The following RBFOX1 variants were observed in gnomAD, a reference collection of about 807,000 sequenced individuals.
The protein encoded by RBFOX1 is RNA binding protein fox-1 homolog 1.
Under a neutral mutation model 57.7 loss-of-function variants are expected in RBFOX1, and 8 were observed. That is an observed-to-expected ratio of 0.14 (90% CI 0.08 to 0.25). RBFOX1 has a LOEUF of 0.25. Among genes scored for constraint, RBFOX1 ranks in the 10% least tolerant of loss-of-function variants. The pLI, the probability that RBFOX1 is intolerant of heterozygous loss-of-function variation, is 1.00. For missense variants in RBFOX1, 611 were observed against 548.5 expected (o/e 1.11, Z -1.14); for synonymous variants, 326 against 222.4 (o/e 1.47, Z -4.15).
At chr16:7,632,933 A>G (rs1176332650) in intron 11 of RBFOX1, among the ~76,000 whole-genome samples, 10 of 152,248 alleles carry the variant, frequency 6.6e-5, no homozygotes, top group Admixed American at 2.6e-4. Flanking sequence ...TTGAATTGGT[A>G]TAGCTATTCT....
At chr16:5,564,758 C>A (rs1468464496) in intron 2 of RBFOX1, among the ~76,000 whole-genome samples, 2 of 152,130 alleles carry the variant, frequency 1.3e-5, no homozygotes, top group Admixed American at 1.3e-4. Flanking sequence ...ATATCAAGTT[C>A]ATCATGGTCT....
At chr16:6,490,805 C>G (rs2095615566) in intron 2 of RBFOX1, among the ~76,000 whole-genome samples, 1 of 152,092 alleles carries the variant, frequency 6.6e-6, no homozygotes, top group South Asian at 2.1e-4. Context: ...TATTTCAGGC[C>G]CAATAAACTC....
chr16:6,972,145 T>C (rs1484393022), intron 3 of RBFOX1, among the ~76,000 whole-genome samples: 1 of 152,172 alleles, frequency 6.6e-6, no homozygotes, highest in Admixed American at 6.5e-5. Flanking sequence ...TGTAAGAATA[T>C]AGTTCAGTAG....
chr16:7,046,369 G>C (rs1318824755), intron 3 of RBFOX1, among the ~76,000 whole-genome samples: 1 of 151,880 alleles, frequency 6.6e-6, no homozygotes, highest in Non-Finnish European at 1.5e-5. Context: ...ATTTCTCTCA[G>C]TCTACAAGAC....
chr16:6,573,432 G>C lies in RBFOX1; in HGVS notation c.-63-81171G>C, dbSNP rs530538545. Among the ~76,000 whole-genome samples the C allele has an allele frequency of 2.6e-5, 4 of 152,282 alleles. 1 individual carries two copies. In the South Asian group the frequency reaches 6.2e-4, roughly 24 times the overall value. ...TGTCTCTTGAGTAAGAAAACTGCTGGAAAGAGTCTGCCATTCACTCAGATC... is the reference window on the plus strand; with the variant it reads ...TGTCTCTTGAGTAAGAAAACTGCTGCAAAGAGTCTGCCATTCACTCAGATC... On this transcript the variant is annotated intron_variant, in intron 2 of 15. Transcript: ENST00000550418.
intron 1 of RBFOX1, among the ~76,000 whole-genome samples, chr16:6,292,433 A>G (rs2077570630): frequency 6.6e-6 from 1 of 151,884 alleles, no homozygotes; most frequent in Non-Finnish European, 1.5e-5. Flanking sequence ...AAGTAGTTCT[A>G]AGAGTTTACC....
chr16:7,179,360 A>C (rs952337491), intron 4 of RBFOX1, among the ~76,000 whole-genome samples: 1 of 152,138 alleles, frequency 6.6e-6, no homozygotes, highest in African/African-American at 2.4e-5. Context: ...CTAAGAGAAC[A>C]TAATTCTAAA....
At chr16:5,540,566 T>G (rs4482285) in intron 2 of RBFOX1, among the ~76,000 whole-genome samples, 119,149 of 152,082 alleles carry the variant, frequency 0.78, 47,087 homozygotes, top group East Asian at 0.99. Flanking sequence ...CAGTAACGGA[T>G]CTTTAGTGGT....
At chr16:7,283,635 C>G (rs1314228266) in intron 4 of RBFOX1, among the ~76,000 whole-genome samples, 1 of 152,060 alleles carries the variant, frequency 6.6e-6, no homozygotes, top group African/African-American at 2.4e-5. Flanking sequence ...GAAGCTGTAT[C>G]CTTACTCAGT....
chr16:6,962,216 C>G (rs777588174), intron 3 of RBFOX1, among the ~76,000 whole-genome samples: 16 of 152,154 alleles, frequency 1.1e-4, no homozygotes, highest in Non-Finnish European at 1.5e-4. Context: ...CTTGTTTGCA[C>G]ATGGCCTTCT....
intron 4 of RBFOX1, among the ~76,000 whole-genome samples, chr16:7,470,263 C>A (rs1337247954): frequency 3.9e-5 from 6 of 152,218 alleles, no homozygotes; most frequent in Non-Finnish European, 7.3e-5. Flanking sequence ...TCACACTAGA[C>A]TTCCACATCC....
chr16:7,705,102 C>G (rs952680396), intron 14 of RBFOX1, among the ~76,000 whole-genome samples: 1 of 150,118 alleles, frequency 6.7e-6, no homozygotes, highest in East Asian at 2.0e-4. Flanking sequence ...CTTCATCTCT[C>G]TAGGGAAGGG....
chr16:6,919,140 T>A (rs979463638), intron 3 of RBFOX1, among the ~76,000 whole-genome samples: 2 of 152,028 alleles, frequency 1.3e-5, no homozygotes, highest in African/African-American at 4.8e-5. Flanking sequence ...CCATCGTGCC[T>A]GGCTAGTTTT....
intron 11 of RBFOX1, among the ~76,000 whole-genome samples, chr16:7,646,870 C>T (rs765940852): frequency 7.2e-5 from 11 of 151,910 alleles, no homozygotes; most frequent in African/African-American, 1.2e-4. Flanking sequence ...GCACCATGTT[C>T]GTAAAAGAGG....
intron 3 of RBFOX1, among the ~76,000 whole-genome samples, chr16:6,778,516 A>G (rs1321665928): frequency 1.3e-5 from 2 of 152,152 alleles, no homozygotes; most frequent in Non-Finnish European, 2.9e-5. Flanking sequence ...TTGATTCCCT[A>G]AGATGATTAA....
chr16:6,699,604 G>A (rs7197100), intron 3 of RBFOX1, among the ~76,000 whole-genome samples: 5,364 of 152,228 alleles, frequency 0.035, 306 homozygotes, highest in African/African-American at 0.12. Flanking sequence ...TCTTTAAACT[G>A]TACGACGGGA....
At chr16:7,407,373 G>GGTGTGT (rs77358035) in intron 4 of RBFOX1, among the ~76,000 whole-genome samples, 3,014 of 149,644 alleles carry the variant, frequency 0.02, 107 homozygotes, top group African/African-American at 0.071. Context: ...GATTTGTATG[G>GGTGTGT]GTGTGTGTGT....
intron 2 of RBFOX1, among the ~76,000 whole-genome samples, chr16:6,353,655 G>C (rs554659013): frequency 6.6e-6 from 1 of 152,186 alleles, no homozygotes; most frequent in African/African-American, 2.4e-5. Flanking sequence ...TTGTATCTAA[G>C]GACCCTCGAT....
At chr16:7,324,511 T>C (rs1603621328) in intron 4 of RBFOX1, among the ~76,000 whole-genome samples, 2 of 152,206 alleles carry the variant, frequency 1.3e-5, no homozygotes, top group South Asian at 4.1e-4. Flanking sequence ...TCAAACCCAG[T>C]TGTCATTCAT....
Sources: gnomAD v4.1 joint callset for allele counts (sites outside exome capture counted in the v4.1 genomes callset) on GRCh38, gnomAD v4.1.1 for gene constraint, MANE v1.5 for transcripts, NCBI Gene and HGNC (gene_info 2026-07-23, HGNC 2026-07-21) for gene names.